METTL25: variants seen among roughly 807,000 people sequenced by gnomAD.
METTL25 encodes probable methyltransferase-like protein 25.
A neutral mutation model predicts 71.6 loss-of-function variants in METTL25; 64 were observed. The observed-to-expected ratio is 0.89, with a 90% CI of 0.73 to 1.10. The LOEUF (loss-of-function observed/expected upper bound fraction) is 1.10, where lower values mean the gene tolerates loss of function less well. Ranked by LOEUF, METTL25 falls within the 50% of genes least tolerant of loss-of-function variation. The pLI is 0.00. For synonymous variants in METTL25, 287 were observed against 250.3 expected, an observed-to-expected ratio of 1.15 and a Z score of -1.38; for missense variants, 807 against 707.0, an observed-to-expected ratio of 1.14 and a Z score of -1.60.
At position 82,479,086 on chromosome 12, in the gene METTL25, T is replaced by A. The variant is rs932450506; in HGVS notation, c.*62T>A. 2 of 1,394,654 alleles carry A rather than the reference T, an allele frequency of 1.4e-6. No homozygotes were observed. Among genetic ancestry groups the A allele is most frequent in the Non-Finnish European group, 2.0e-6 (2 of 984,442 alleles). The allele number at this position is 1,394,654 out of a possible 1,614,324, so 86.4% of individuals were successfully genotyped here. A position where few individuals can be genotyped will look rare whatever the true frequency, so the allele number is the denominator to read the frequency against. ...TGAGACCTGTTGCTGAGATTGCTTT[T>A]CTAAACATATATGTCCTGTTATACA... On this transcript the variant is annotated 3_prime_UTR_variant, in exon 12 of 12. Coordinates refer to ENST00000248306, the MANE Select transcript of METTL25 (RefSeq NM_032230.3).
intron 1 of METTL25, among the ~76,000 whole-genome samples, chr12:82,380,186 C>T (rs1884291681): frequency 6.6e-6 from 1 of 152,102 alleles, no homozygotes; most frequent in Non-Finnish European, 1.5e-5. Flanking sequence ...GTGTTCTCAT[C>T]ATTTATTTCC....
chr12:82,436,804 T>A (rs749496931), intron 7 of METTL25, among the ~76,000 whole-genome samples: 2 of 151,562 alleles, frequency 1.3e-5, no homozygotes. Context: ...ATTTTAACTA[T>A]TTTTAGGCGT....
rs1476877560 is a variant in METTL25 at position 82,424,398 on chromosome 12, A to C, written c.1280-6495A>C. Among the ~76,000 whole-genome samples the C allele has an allele frequency of 5.5e-5, 8 of 144,240 alleles. No homozygotes were observed. The East Asian group carries it at 1.7e-3, about 30-fold the overall frequency. The allele number at this position is 144,240 out of a possible 152,430, so 94.6% of individuals were successfully genotyped here. A position where few individuals can be genotyped will look rare whatever the true frequency, so the allele number is the denominator to read the frequency against. ...CCGGGGCCTGTTGTGGGGTGGGGGA[A>C]GGGGGGAGGGATAGCATTAGGAGAT... On this transcript the variant is annotated intron_variant, in intron 5 of 11. Transcript: ENST00000248306.
At chr12:82,376,264 A>G (rs373897269) in intron 1 of METTL25, among the ~76,000 whole-genome samples, 4 of 152,200 alleles carry the variant, frequency 2.6e-5, no homozygotes, top group East Asian at 3.8e-4. Flanking sequence ...AAACTCATAC[A>G]TTCATCCCTC....
chr12:82,385,028 T>C (rs1223361523), intron 1 of METTL25, among the ~76,000 whole-genome samples: 1 of 152,168 alleles, frequency 6.6e-6, no homozygotes, highest in Non-Finnish European at 1.5e-5. Flanking sequence ...TTGGCTGAGT[T>C]AGTAAATTCA....
intron 8 of METTL25, among the ~76,000 whole-genome samples, chr12:82,454,154 G>T (rs940901006): frequency 3.9e-5 from 6 of 151,960 alleles, no homozygotes; most frequent in Non-Finnish European, 8.8e-5. Flanking sequence ...GAATTCACTG[G>T]CTTAAAATAT....
At chr12:82,469,383 A>G (rs978634932) in intron 9 of METTL25, among the ~76,000 whole-genome samples, 11 of 152,054 alleles carry the variant, frequency 7.2e-5, no homozygotes, top group African/African-American at 2.7e-4. Flanking sequence ...TCTTCAGGAA[A>G]ATTAAGATCC....
At chr12:82,466,476 T>A (rs1892241205) in intron 9 of METTL25, among the ~76,000 whole-genome samples, 2 of 152,100 alleles carry the variant, frequency 1.3e-5, no homozygotes, top group South Asian at 2.1e-4. Flanking sequence ...TGATTTTGAT[T>A]TTTTAAAATT....
intron 1 of METTL25, among the ~76,000 whole-genome samples, chr12:82,379,926 C>T (rs1884259679): frequency 6.6e-6 from 1 of 152,182 alleles, no homozygotes; most frequent in African/African-American, 2.4e-5. Flanking sequence ...GCAGGTCCCA[C>T]ATTTAAAAGC....
Position 82,479,108 on chromosome 12 carries a change from T to C in METTL25, c.*84T>C, listed in dbSNP as rs1893053029. 9.5e-7 allele frequency: 1 copy of C among 1,058,148 alleles called. No individual in the cohort carries two copies. Among genetic ancestry groups the C allele is most frequent in the Non-Finnish European group, 1.4e-6 (1 of 709,080 alleles). 65.5% of individuals were successfully genotyped at this position (1,058,148 alleles called of 1,614,324 possible). A position where few individuals can be genotyped will look rare whatever the true frequency, so the allele number is the denominator to read the frequency against. On this transcript the variant is annotated 3_prime_UTR_variant, in exon 12 of 12. Transcript: ENST00000248306. ...TTTTCTAAACATATATGTCCTGTTA[T>C]ACAAAAATTTTTAAATGACTGTTAT...
chr12:82,389,391 T>A (rs1222671846), intron 2 of METTL25, among the ~76,000 whole-genome samples: 1 of 152,146 alleles, frequency 6.6e-6, no homozygotes, highest in African/African-American at 2.4e-5. Flanking sequence ...TTTAAGTTTT[T>A]TTCCCCACTT....
At chr12:82,406,102 T>G (rs937150111) in intron 5 of METTL25, among the ~76,000 whole-genome samples, 6 of 152,100 alleles carry the variant, frequency 3.9e-5, no homozygotes, top group Admixed American at 1.3e-4. Context: ...GAAAAATAGA[T>G]GACAAGCAGA....
chr12:82,479,077 GA>G lies in METTL25; in HGVS notation c.*54del, dbSNP rs1156723559. The G allele has an allele frequency of 3.3e-6, 5 of 1,496,612 alleles. No homozygotes were observed. In the Admixed American group the frequency reaches 5.1e-5, roughly 15 times the overall value. 92.7% of individuals were successfully genotyped at this position (1,496,612 alleles called of 1,614,324 possible). The stretch of plus-strand genomic sequence containing the variant: ...ATTTCTCTATGAGACCTGTTGCTGA[GA>G]TTGCTTTTCTAAACATATATGTCCT... On this transcript the variant is annotated 3_prime_UTR_variant, in exon 12 of 12. Transcript: ENST00000248306.
chr12:82,431,324 G>A (rs1889482505), intron 6 of METTL25, among the ~76,000 whole-genome samples: 1 of 151,434 alleles, frequency 6.6e-6, no homozygotes, highest in African/African-American at 2.4e-5. Context: ...AGCTAATTGA[G>A]ATATGAAGTA....
chr12:82,453,820 T>C (rs1891305869), intron 8 of METTL25, among the ~76,000 whole-genome samples: 1 of 152,120 alleles, frequency 6.6e-6, no homozygotes, highest in Non-Finnish European at 1.5e-5. Context: ...GCTGAGATAT[T>C]ATTTATTTAA....
chr12:82,408,597 C>CGTGTGTGTGTGTGTGTGT lies in METTL25; in HGVS notation c.1279+5479_1279+5496dup, dbSNP rs56872887. On this transcript the variant is annotated intron_variant, in intron 5 of 11. Coordinates refer to ENST00000248306, the MANE Select transcript of METTL25 (RefSeq NM_032230.3). Reference sequence around the variant, plus strand: ...CTTTATCAATGAACAGATGTGACTCCGTGTGTGTGTGTGTGTGTGTGTGTG... The same window carrying CGTGTGTGTGTGTGTGTGT: ...CTTTATCAATGAACAGATGTGACTCCGTGTGTGTGTGTGTGTGTGTGTGTGTGTGTGTGTGTGTGTGTG... Among the ~76,000 whole-genome samples, 319 of 147,738 alleles carry CGTGTGTGTGTGTGTGTGT rather than the reference C, an allele frequency of 2.2e-3. 3 individuals are homozygous for CGTGTGTGTGTGTGTGTGT. The highest frequency in any genetic ancestry group is 7.4e-3 in the African/African-American group (298 of 40,054).
chr12:82,455,097 G>C (rs1028945837), intron 8 of METTL25, among the ~76,000 whole-genome samples: 6 of 151,406 alleles, frequency 4.0e-5, no homozygotes, highest in Non-Finnish European at 7.4e-5. Flanking sequence ...GGTGAAGAAT[G>C]GTATAAAATT....
chr12:82,385,961 G>A (rs1424760375), intron 1 of METTL25, among the ~76,000 whole-genome samples: 2 of 152,074 alleles, frequency 1.3e-5, no homozygotes, highest in Non-Finnish European at 2.9e-5. Context: ...CCACACCTGA[G>A]TTCAACAAGG....
At chr12:82,392,069 A>AC (rs1885638931) in intron 3 of METTL25, among the ~76,000 whole-genome samples, 1 of 148,380 alleles carries the variant, frequency 6.7e-6, no homozygotes, top group South Asian at 2.1e-4. Flanking sequence ...GCCCATTTTT[A>AC]TTTTTTTATT....
Sources: gnomAD v4.1 joint callset for allele counts (sites outside exome capture counted in the v4.1 genomes callset) on GRCh38, gnomAD v4.1.1 for gene constraint, MANE v1.5 for transcripts, NCBI Gene and HGNC (gene_info 2026-07-23, HGNC 2026-07-21) for gene names.